Variants in LRRK2 observed in about 807,000 individuals in gnomAD.
LRRK2 encodes the protein leucine rich repeat kinase 2, also known as leucine-rich repeat serine/threonine-protein kinase 2.
Under a neutral mutation model 302.6 loss-of-function variants are expected in LRRK2, and 203 were observed. That is an observed-to-expected ratio of 0.67 (90% CI 0.60 to 0.75). LRRK2 has a LOEUF of 0.75. Among genes scored for constraint, LRRK2 ranks in the 30% least tolerant of loss-of-function variants. LRRK2 has a pLI of 0.00. For synonymous variants in LRRK2, 1,066 were observed against 1,031.9 expected (o/e 1.03, Z -0.63); for missense variants, 2,830 against 2,951.0 (o/e 0.96, Z 0.95).
intron 24 of LRRK2, 131 bp from the exon 25 acceptor site, chr12:40,298,978 T>A (rs1944517356): frequency 5.7e-6 from 4 of 702,598 alleles, no homozygotes; most frequent in Non-Finnish European, 6.4e-6. Context: ...TGACTTACAT[T>A]TTTACAACTA....
At chr12:40,285,364 A>G (rs1473908307) in intron 19 of LRRK2, among the ~76,000 whole-genome samples, 2 of 152,114 alleles carry the variant, frequency 1.3e-5, no homozygotes. Context: ...CATTGATACT[A>G]GTGTTTTGCA....
intron 14 of LRRK2, among the ~76,000 whole-genome samples, chr12:40,265,988 T>G (rs899737803): frequency 1.3e-5 from 2 of 152,182 alleles, no homozygotes; most frequent in African/African-American, 2.4e-5. Context: ...TTACACCTTA[T>G]ACAAAAATAA....
At chr12:40,316,287 G>A (rs1945217292) in intron 33 of LRRK2, 5 of 983,712 alleles carry the variant, frequency 5.1e-6, no homozygotes, top group Non-Finnish European at 6.0e-6. Context: ...GGAAAAAAAG[G>A]AAGCTATTGT....
At chr12:40,285,234 T>A (rs1200395498) in intron 19 of LRRK2, among the ~76,000 whole-genome samples, 1 of 152,148 alleles carries the variant, frequency 6.6e-6, no homozygotes, top group Non-Finnish European at 1.5e-5. Flanking sequence ...ACTTTATTTC[T>A]CACATATACT....
intron 47 of LRRK2, among the ~76,000 whole-genome samples, chr12:40,362,590 T>C (rs1414144321): frequency 6.6e-6 from 1 of 152,054 alleles, no homozygotes; most frequent in Non-Finnish European, 1.5e-5. Flanking sequence ...TAATAAGGTC[T>C]ATAATATGAC....
At chr12:40,360,211 G>A (rs967960139) in intron 47 of LRRK2, among the ~76,000 whole-genome samples, 3 of 152,064 alleles carry the variant, frequency 2.0e-5, no homozygotes, top group Admixed American at 2.0e-4. Flanking sequence ...ATTTGGAGGA[G>A]TAAATAAGAA....
At position 40,295,619 on chromosome 12, in the gene LRRK2, C is replaced by G. The variant is rs568157731; in HGVS notation, c.3071C>G (p.Thr1024Arg). 3 of 1,613,784 alleles carry G rather than the reference C, an allele frequency of 1.9e-6. No homozygotes were observed. In the African/African-American group the frequency reaches 4.0e-5, roughly 22 times the overall value. ...CTGGAGCTTCACCAGAATGCACTCA[C>G]GAGCTTTCCACAACAGCTATGTGAA... Reference protein sequence around the residue: ...EKLELHQNALTSFPQQLCETL... With the variant: ...EKLELHQNALRSFPQQLCETL... Residue 1024 changes from threonine (T) to arginine (R), a missense_variant, in exon 23 of 51, where the codon ACG becomes AGG. Physicochemically the swap from Thr to Arg is moderately conservative, Grantham distance 71. Coordinates refer to ENST00000298910, the MANE Select transcript of LRRK2 (RefSeq NM_198578.4).
At chr12:40,291,138 A>T (rs901498895) in intron 20 of LRRK2, among the ~76,000 whole-genome samples, 1 of 151,864 alleles carries the variant, frequency 6.6e-6, no homozygotes, top group African/African-American at 2.4e-5. Context: ...AGGGACATGG[A>T]TGAAGCTGGA....
intron 14 of LRRK2, among the ~76,000 whole-genome samples, chr12:40,267,467 C>T (rs184291731): frequency 7.8e-4 from 118 of 152,034 alleles, no homozygotes; most frequent in African/African-American, 2.7e-3. Flanking sequence ...CCAAAACAGC[C>T]GTATAGATAA....
chr12:40,234,177 C>T (rs1189082380), intron 3 of LRRK2, among the ~76,000 whole-genome samples: 1 of 152,010 alleles, frequency 6.6e-6, no homozygotes, highest in Non-Finnish European at 1.5e-5. Context: ...CCTCCAATTG[C>T]CAAATGGAGA....
At chr12:40,355,955 A>G (rs1466488844) in intron 45 of LRRK2, among the ~76,000 whole-genome samples, 160 bp from the exon 46 acceptor site, 2 of 152,208 alleles carry the variant, frequency 1.3e-5, no homozygotes, top group Non-Finnish European at 2.9e-5. Context: ...AAGAATTTAT[A>G]ATTCCAAGTC....
At position 40,284,028 on chromosome 12, in the gene LRRK2, G is replaced by A. The variant is rs1400920879; in HGVS notation, c.2395G>A (p.Ala799Thr). The stretch of plus-strand genomic sequence containing the variant: ...CTTAAGGAGGCTGGCCCTGGATGTG[G>A]CCAACAATAGCATTTGCCTTGGAGG... ...LLLRRLALDV[A>T]NNSICLGGFC... The change falls in exon 19 of 51, where the codon GCC becomes ACC. Residue 799 changes from alanine (A) to threonine (T), a missense_variant. Ala to Thr is a moderately conservative substitution (Grantham distance 58, BLOSUM62 0). Coordinates refer to ENST00000298910, the MANE Select transcript of LRRK2 (RefSeq NM_198578.4). 6.2e-7 allele frequency: 1 copy of A among 1,613,848 alleles called. No individual in the cohort carries two copies. The highest frequency in any genetic ancestry group is 1.7e-5 in the Admixed American group (1 of 60,010).
chr12:40,344,341 A>C (rs549877046), intron 41 of LRRK2, among the ~76,000 whole-genome samples: 267 of 152,302 alleles, frequency 1.8e-3, no homozygotes, highest in African/African-American at 5.8e-3. Context: ...ATACCTAATA[A>C]ATGTGCTCAA....
At chr12:40,275,094 A>C in intron 16 of LRRK2, 101 bp downstream of exon 16, 1 of 1,264,874 alleles carries the variant, frequency 7.9e-7, no homozygotes, top group Non-Finnish European at 1.2e-6. Flanking sequence ...TATTCTAGTT[A>C]ATGGAAAACC....
rs1296400476 is a variant in LRRK2 at position 40,263,853 on chromosome 12, G to T, written c.1608G>T (p.Gln536His). The T allele has an allele frequency of 6.2e-7, 1 of 1,613,122 alleles. No homozygotes were observed. Among genetic ancestry groups the T allele is most frequent in the Admixed American group, 1.7e-5 (1 of 59,994 alleles). ...FHHKLNMVKK[Q>H]CFKNDIHKLV... ...ATAAGCTAAATATGGTTAAAAAACA[G>T]TGTTTCAAGAATGATATTCACAAAC... is the stretch of plus-strand genomic sequence containing the variant. The change falls in exon 14 of 51, where the codon CAG (glutamine) becomes CAT (histidine). Residue 536 changes from glutamine to histidine, a missense_variant. By Grantham distance (24) the Gln-to-His change is conservative. This residue lies in a region of LRRK2 where 2,121 missense variants were observed against 2,148.0 expected (regional missense o/e 0.99). Coordinates refer to ENST00000298910, the MANE Select transcript of LRRK2 (RefSeq NM_198578.4).
At chr12:40,340,531 T>A in intron 41 of LRRK2, 77 bp downstream of exon 41, 1 of 1,469,852 alleles carries the variant, frequency 6.8e-7, no homozygotes, top group Non-Finnish European at 9.5e-7. Context: ...TTCAGAAGAG[T>A]CAAAAGGAAA....
At chr12:40,322,570 C>G in intron 37 of LRRK2, 60 bp downstream of exon 37, 1 of 1,439,678 alleles carries the variant, frequency 6.9e-7, no homozygotes, top group Non-Finnish European at 9.7e-7. Context: ...TATGAAGTGA[C>G]TTTTAATAAA....
intron 38 of LRRK2, among the ~76,000 whole-genome samples, chr12:40,327,186 G>A (rs879265213): frequency 2.4e-4 from 36 of 152,276 alleles, no homozygotes; most frequent in Non-Finnish European, 4.7e-4. Flanking sequence ...ATCATGGTCA[G>A]TTTGTGAGGC....
rs200357353 is a variant in LRRK2 at position 40,252,985 on chromosome 12, G to A, written c.1257G>A (p.Ala419=). 6 of 1,612,840 alleles carry A rather than the reference G, an allele frequency of 3.7e-6. No individual in the cohort carries two copies. The highest frequency in any genetic ancestry group is 1.1e-5 in the South Asian group (1 of 91,046). ...SSSKEVFQAS[A]NALSTLLEQN... ...CAAAGGAAGTTTTCCAGGCATCTGC[G>A]AATGCATTGTCAACTCTCTTAGAAC... is the stretch of plus-strand genomic sequence containing the variant. Residue 419 remains alanine (A), a synonymous_variant, in exon 11 of 51, where the codon GCG becomes GCA. Coordinates refer to ENST00000298910, the MANE Select transcript of LRRK2 (RefSeq NM_198578.4).
Sources: gnomAD v4.1 joint callset for allele counts (sites outside exome capture counted in the v4.1 genomes callset) on GRCh38, gnomAD v4.1.1 for gene constraint, gnomAD v4.1.1 regional missense constraint, MANE v1.5 for transcripts, NCBI Gene and HGNC (gene_info 2026-07-23, HGNC 2026-07-21) for gene names.